Variants in ITGA11 observed in about 807,000 individuals in gnomAD.
ITGA11 encodes the protein integrin alpha-11.
ITGA11 carries 97 observed loss-of-function variants against 141.9 expected under a neutral mutation model. The ratio of observed to expected loss-of-function variants is 0.68; its 90% CI spans 0.58 to 0.81. The LOEUF (loss-of-function observed/expected upper bound fraction) is 0.81. Ranked by LOEUF, ITGA11 falls within the 30% of genes least tolerant of loss-of-function variation. ITGA11 has a pLI of 0.00. For synonymous variants in ITGA11, 658 were observed against 624.6 expected (o/e 1.05, Z -0.80); for missense variants, 1,387 against 1,559.2 (o/e 0.89, Z 1.86).
intron 2 of ITGA11, among the ~76,000 whole-genome samples, chr15:68,400,333 A>G (rs1896436530): frequency 6.6e-6 from 1 of 151,632 alleles, no homozygotes; most frequent in East Asian, 1.9e-4. Flanking sequence ...AAAACAGAGA[A>G]GAATATCTTC....
At chr15:68,394,757 T>A (rs1896192275) in intron 2 of ITGA11, among the ~76,000 whole-genome samples, 1 of 151,988 alleles carries the variant, frequency 6.6e-6, no homozygotes, top group South Asian at 2.1e-4. Flanking sequence ...GATATATAGA[T>A]CTTATAGACA....
chr15:68,325,237 G>T lies in ITGA11; in HGVS notation c.2216C>A (p.Thr739Asn). The T allele has an allele frequency of 5.6e-6, 9 of 1,611,624 alleles. No individual in the cohort carries two copies. Among genetic ancestry groups the T allele is most frequent in the Non-Finnish European group, 7.6e-6 (9 of 1,177,742 alleles). Residue 739 changes from threonine to asparagine, a missense_variant, in exon 18 of 30, where the codon ACT becomes AAT. By Grantham distance (65) the Thr-to-Asn change is moderately conservative. Transcript: ENST00000315757. This position sits in a 1 kb window ranked among gnomAD's most constrained non-coding sequence, Gnocchi z 5.5. Reference sequence around the variant, plus strand: ...GGTCACTGGCTTCACGTAGTCAGCAGTGTCCTGGGGGGTGGAGATGAGGGC... The same window carrying T: ...GGTCACTGGCTTCACGTAGTCAGCATTGTCCTGGGGGGTGGAGATGAGGGC... ...CERINFHVLD[T>N]ADYVKPVTFS... is the part of the protein sequence containing the mutation.
Position 68,326,774 on chromosome 15 carries a change from C to A in ITGA11, c.2091G>T (p.Met697Ile). 1 of 1,581,526 alleles carries A rather than the reference C, an allele frequency of 6.3e-7. No individual in the cohort carries two copies. Among genetic ancestry groups the A allele is most frequent in the Non-Finnish European group, 8.6e-7 (1 of 1,163,190 alleles). The change falls in exon 17 of 30, where the codon ATG becomes ATT. Residue 697 changes from methionine (M) to isoleucine (I), a missense_variant. Physicochemically the swap from Met to Ile is conservative, Grantham distance 10. Coordinates refer to ENST00000315757, the MANE Select transcript of ITGA11 (RefSeq NM_001004439.2). The surrounding 1 kb of genome is among the most constrained non-coding windows in gnomAD (Gnocchi z 6.8). Reference protein sequence around the residue: ...TTVGIRYNATMDERRYTPRAH... With the variant: ...TTVGIRYNATIDERRYTPRAH... ...CCCTCGGTGTATACCGCCTCTCATC[C>A]ATGGTGGCGTTGTATCTGATGCCTG...
rs1893038394 is a variant in ITGA11, at chr15:68,301,921, T to C, written c.*1138A>G. The C allele has an allele frequency of 2.0e-5, 3 of 152,682 alleles. No individual in the cohort carries two copies. The highest frequency in any genetic ancestry group is 2.9e-5 in the Non-Finnish European group (2 of 68,132). 9.5% of individuals were successfully genotyped at this position (152,682 alleles called of 1,614,324 possible). A position where few individuals can be genotyped will look rare whatever the true frequency, so the allele number is the denominator to read the frequency against. ...GTCCTGGGGGCCGGCAGATGAGATA[T>C]TTGCCACCAAGGCTGCACAGGCTCC... On this transcript the variant is annotated 3_prime_UTR_variant, in exon 30 of 30. Transcript: ENST00000315757. The surrounding 1 kb of genome is among the most constrained non-coding windows in gnomAD (Gnocchi z 4.4).
At position 68,334,823 on chromosome 15, in the gene ITGA11, G is replaced by A. The variant is rs1352542970; in HGVS notation, c.1425+874C>T. On this transcript the variant is annotated intron_variant, in intron 12 of 29. Transcript: ENST00000315757. The stretch of plus-strand genomic sequence containing the variant: ...TCAGCAAATTCCCTCCAGCTCTCAA[G>A]GTCTAGCCCTCGATTCCCAAAAGAG... Among the ~76,000 whole-genome samples the A allele has an allele frequency of 3.9e-5, 6 of 152,212 alleles. No homozygotes were observed. The East Asian group carries it at 9.6e-4, about 24-fold the overall frequency.
In ITGA11 at chr15:68,356,203, C is replaced by T. The variant is rs1303398547; in HGVS notation, c.749+948G>A. Among the ~76,000 whole-genome samples the T allele has an allele frequency of 2.6e-5, 4 of 152,114 alleles. 1 individual carries two copies. The highest frequency in any genetic ancestry group is 5.9e-5 in the Non-Finnish European group (4 of 68,034). On this transcript the variant is annotated intron_variant, in intron 7 of 29. Coordinates refer to ENST00000315757, the MANE Select transcript of ITGA11 (RefSeq NM_001004439.2). ...CTCTGCATCCTGGATTCAAGCAATT[C>T]TCCTGCCTCAGCCTCCCAAGTAGCT...
chr15:68,400,707 A>AT (rs1566938534), intron 2 of ITGA11, among the ~76,000 whole-genome samples: 1 of 26,600 alleles, frequency 3.8e-5, no homozygotes, highest in African/African-American at 2.3e-4. Flanking sequence ...ATTATATAAT[A>AT]AATATTATAT....
chr15:68,418,021 A>C (rs953379014), intron 1 of ITGA11, among the ~76,000 whole-genome samples: 32 of 152,240 alleles, frequency 2.1e-4, no homozygotes, highest in African/African-American at 7.7e-4. Context: ...TGGAGTCTGC[A>C]TACAAGAGCT....
rs1893094652 is a variant in ITGA11 at position 68,303,507 on chromosome 15, C to T, written c.3495+265G>A. 6.6e-6 allele frequency among the ~76,000 whole-genome samples: 1 copy of T among 151,290 alleles called. No homozygotes were observed. Among genetic ancestry groups the T allele is most frequent in the Admixed American group, 6.6e-5 (1 of 15,210 alleles). The stretch of plus-strand genomic sequence containing the variant: ...TTGACATTGTGGGAGAAATTTTGTG[C>T]AGTTGTTTGTACTTGCTTTTTTTTT... On this transcript the variant is annotated intron_variant, in intron 29 of 29. Coordinates refer to ENST00000315757, the MANE Select transcript of ITGA11 (RefSeq NM_001004439.2). This position sits in a 1 kb window ranked among gnomAD's most constrained non-coding sequence, Gnocchi z 5.3.
chr15:68,376,361 A>G (rs1403322212), intron 2 of ITGA11, among the ~76,000 whole-genome samples: 2 of 151,996 alleles, frequency 1.3e-5, no homozygotes, highest in Non-Finnish European at 1.5e-5. Context: ...TCTCTCACCA[A>G]CTTGCCTTGT....
chr15:68,340,749 C>G (rs1894539868), intron 10 of ITGA11: 1 of 152,262 alleles, frequency 6.6e-6, no homozygotes, highest in South Asian at 2.1e-4. Context: ...CACTCACCCT[C>G]TCTCTCCTGT....
At chr15:68,395,295 C>T (rs1259769625) in intron 2 of ITGA11, among the ~76,000 whole-genome samples, 1 of 152,118 alleles carries the variant, frequency 6.6e-6, no homozygotes, top group African/African-American at 2.4e-5. Context: ...AGATCCTCAC[C>T]AGCAATGGAA....
chr15:68,389,521 T>A (rs1896066036), intron 2 of ITGA11, among the ~76,000 whole-genome samples: 1 of 152,232 alleles, frequency 6.6e-6, no homozygotes, highest in African/African-American at 2.4e-5. Flanking sequence ...TGGGCTCCAG[T>A]CTTGCCTCTA....
At chr15:68,336,990 C>A (rs1894380533) in intron 11 of ITGA11, among the ~76,000 whole-genome samples, 1 of 152,140 alleles carries the variant, frequency 6.6e-6, no homozygotes, top group African/African-American at 2.4e-5. Flanking sequence ...ATACCAAGAC[C>A]TCACAAGGGG....
intron 2 of ITGA11, among the ~76,000 whole-genome samples, chr15:68,401,048 A>G (rs981172278): frequency 5.6e-5 from 8 of 143,878 alleles, no homozygotes. Context: ...TGGGCAAAAG[A>G]CCTGATACAG....
At chr15:68,375,095 G>A (rs1384923341) in intron 2 of ITGA11, among the ~76,000 whole-genome samples, 1 of 152,112 alleles carries the variant, frequency 6.6e-6, no homozygotes, top group Admixed American at 6.5e-5. Flanking sequence ...AGAGAGGAGT[G>A]AGGCCTGTCC....
intron 1 of ITGA11, among the ~76,000 whole-genome samples, chr15:68,406,948 A>T (rs561315986): frequency 1.3e-4 from 20 of 152,198 alleles, no homozygotes; most frequent in Non-Finnish European, 2.6e-4. Context: ...AGTTTCCCCA[A>T]ATCACTCAGC....
At chr15:68,327,816 C>G (rs904935987) in intron 16 of ITGA11, among the ~76,000 whole-genome samples, 8 of 152,214 alleles carry the variant, frequency 5.3e-5, no homozygotes, top group Non-Finnish European at 1.0e-4. Context: ...GGCATCAGTC[C>G]TGTGCTCTGA....
Position 68,302,972 on chromosome 15 carries a change from C to G in ITGA11, c.*87G>C. 1 of 1,139,284 alleles carries G rather than the reference C, an allele frequency of 8.8e-7. No homozygotes were observed. The highest frequency in any genetic ancestry group is 1.3e-6 in the Non-Finnish European group (1 of 797,476). 70.6% of individuals were successfully genotyped at this position (1,139,284 alleles called of 1,614,324 possible). A position where few individuals can be genotyped will look rare whatever the true frequency, so the allele number is the denominator to read the frequency against. ...AAAGCCAGCTGGCTTCCTCTCCGCT[C>G]CAGCTCGGTGGGGCCACAGGCCTGG... On this transcript the variant is annotated 3_prime_UTR_variant, in exon 30 of 30. Coordinates refer to ENST00000315757, the MANE Select transcript of ITGA11 (RefSeq NM_001004439.2).
Sources: gnomAD v4.1 joint callset for allele counts (sites outside exome capture counted in the v4.1 genomes callset) on GRCh38, gnomAD v4.1.1 for gene constraint, Gnocchi (gnomAD v3.1) non-coding constraint, MANE v1.5 for transcripts, NCBI Gene and HGNC (gene_info 2026-07-23, HGNC 2026-07-21) for gene names.